The following FSTL4 variants were observed in gnomAD, a reference collection of about 807,000 sequenced individuals.
FSTL4 encodes follistatin-related protein 4.
In FSTL4, 28 loss-of-function variants were observed where a neutral mutation model predicts 78.2. That is an observed-to-expected ratio of 0.36 (90% CI 0.27 to 0.49). The LOEUF is 0.49. FSTL4 is among the 20% of genes least tolerant of loss of function. The pLI, the probability that FSTL4 is intolerant of heterozygous loss-of-function variation, is 0.98. For missense variants in FSTL4, 922 were observed against 1,084.9 expected (o/e 0.85, Z 2.11); for synonymous variants, 422 against 440.5 (o/e 0.96, Z 0.53).
At position 133,496,106 on chromosome 5, in the gene FSTL4, T is replaced by G. The variant is rs1758362769; in HGVS notation, c.160+71080A>C. Among the ~76,000 whole-genome samples, 4 of 152,296 alleles carry G rather than the reference T, an allele frequency of 2.6e-5. No individual in the cohort carries two copies. The South Asian group carries it at 8.3e-4, about 32-fold the overall frequency. On this transcript the variant is annotated intron_variant, in intron 3 of 15. Coordinates refer to ENST00000265342, the MANE Select transcript of FSTL4 (RefSeq NM_015082.2). ...CAGCACATAACCTGAGATTCCATCCTCCGATCGTTCACTTCTGACTATGCC... is the reference window on the plus strand; with the variant it reads ...CAGCACATAACCTGAGATTCCATCCGCCGATCGTTCACTTCTGACTATGCC...
Position 133,446,276 on chromosome 5 carries a change from C to T in FSTL4, c.161-45290G>A, listed in dbSNP as rs559328932. ...CCAACATGGCGAAACCCTGTCTCTA[C>T]TAAAAACACAAAAATTAGCCGGGCG... On this transcript the variant is annotated intron_variant, in intron 3 of 15. Transcript: ENST00000265342. Among the ~76,000 whole-genome samples the T allele has an allele frequency of 2.6e-4, 39 of 152,294 alleles. 1 individual carries two copies. In the South Asian group the frequency reaches 7.7e-3, roughly 30 times the overall value.
chr5:133,682,090 C>T, the FSTL4 span, among the ~76,000 whole-genome samples: 1 of 152,194 alleles, frequency 6.6e-6, no homozygotes. Flanking sequence ...CCCAGTGTGG[C>T]ACCCACCCTC....
intron 11 of FSTL4, among the ~76,000 whole-genome samples, chr5:133,221,178 C>G (rs1468527235): frequency 6.6e-6 from 1 of 152,214 alleles, no homozygotes; most frequent in Non-Finnish European, 1.5e-5. Flanking sequence ...CTTTCCTGTT[C>G]TGAAAGGGAA....
intron 6 of FSTL4, among the ~76,000 whole-genome samples, chr5:133,261,393 A>C (rs964324055): frequency 1.1e-4 from 17 of 152,120 alleles, no homozygotes; most frequent in African/African-American, 3.9e-4. Context: ...AAATCCTAAG[A>C]CATCCCCCAA....
At chr5:133,688,613 C>A in the FSTL4 span, among the ~76,000 whole-genome samples, 1 of 152,222 alleles carries the variant, frequency 6.6e-6, no homozygotes, top group African/African-American at 2.4e-5. Context: ...GAGGACAGAA[C>A]AGAGATTCTG....
At chr5:133,398,108 C>G (rs374089808) in intron 4 of FSTL4, among the ~76,000 whole-genome samples, 9 of 152,120 alleles carry the variant, frequency 5.9e-5, no homozygotes, top group Admixed American at 1.3e-4. Context: ...TCTACTCCCC[C>G]CTGGAGCCAT....
chr5:133,552,995 G>C (rs935865453), intron 3 of FSTL4, among the ~76,000 whole-genome samples: 1 of 152,202 alleles, frequency 6.6e-6, no homozygotes, highest in East Asian at 1.9e-4. Context: ...CAGGGCAAGC[G>C]ACCTCTGGGT....
the FSTL4 span, among the ~76,000 whole-genome samples, chr5:133,798,519 T>TA: frequency 0.27 from 39,621 of 145,174 alleles, 5,378 homozygotes; most frequent in African/African-American, 0.31. Flanking sequence ...AAAAAAAACT[T>TA]AAAAAAAAAA....
At chr5:133,412,043 T>A (rs1016789978) in intron 3 of FSTL4, among the ~76,000 whole-genome samples, 3 of 152,172 alleles carry the variant, frequency 2.0e-5, no homozygotes, top group African/African-American at 4.8e-5. Context: ...TAAAACCCTA[T>A]TGAAGGTCAT....
intron 6 of FSTL4, among the ~76,000 whole-genome samples, chr5:133,265,600 G>A (rs1330079314): frequency 6.6e-6 from 1 of 152,176 alleles, no homozygotes; most frequent in Non-Finnish European, 1.5e-5. Flanking sequence ...GAAACTAAAC[G>A]TTTGAAAAAG....
intron 4 of FSTL4, among the ~76,000 whole-genome samples, chr5:133,329,463 T>G (rs894129282): frequency 4.6e-5 from 7 of 152,064 alleles, no homozygotes; most frequent in African/African-American, 1.7e-4. Flanking sequence ...TGTTTGCAGC[T>G]CTCACAAGGT....
Position 133,198,964 on chromosome 5 carries a change from A to C in FSTL4, c.*131T>G, listed in dbSNP as rs1441933762. On this transcript the variant is annotated 3_prime_UTR_variant, in exon 16 of 16. Transcript: ENST00000265342. ...ACCTTATACTAGGAAACTTGCAAGG[A>C]GACCAGTGTTGAACCACAAAGCGAG... The C allele has an allele frequency of 1.8e-6, 1 of 560,422 alleles. No individual in the cohort carries two copies. The highest frequency in any genetic ancestry group is 3.1e-6 in the Non-Finnish European group (1 of 320,540). The allele number at this position is 560,422 out of a possible 1,614,324, so 34.7% of individuals were successfully genotyped here. A position where few individuals can be genotyped will look rare whatever the true frequency, so the allele number is the denominator to read the frequency against.
At chr5:133,738,487 C>G in the FSTL4 span, among the ~76,000 whole-genome samples, 1 of 152,186 alleles carries the variant, frequency 6.6e-6, no homozygotes, top group Non-Finnish European at 1.5e-5. Flanking sequence ...CATGAATGAG[C>G]CTGTGTACTT....
intron 4 of FSTL4, among the ~76,000 whole-genome samples, chr5:133,327,931 A>G (rs894332048): frequency 3.3e-5 from 5 of 152,210 alleles, no homozygotes; most frequent in African/African-American, 1.2e-4. Flanking sequence ...TCCTCCCAGG[A>G]TTCAAAGAGG....
At chr5:133,731,187 G>A in the FSTL4 span, among the ~76,000 whole-genome samples, 107 of 152,260 alleles carry the variant, frequency 7.0e-4, no homozygotes, top group African/African-American at 2.4e-3. Flanking sequence ...CTCTCGGGGA[G>A]GTTGTGATCA....
intron 4 of FSTL4, among the ~76,000 whole-genome samples, chr5:133,371,379 T>C (rs780978027): frequency 3.3e-5 from 5 of 152,144 alleles, no homozygotes; most frequent in Non-Finnish European, 7.4e-5. Flanking sequence ...CCCATGTAGG[T>C]CTCGTGAAAT....
At chr5:133,505,565 A>C (rs1052034688) in intron 3 of FSTL4, among the ~76,000 whole-genome samples, 1 of 152,246 alleles carries the variant, frequency 6.6e-6, no homozygotes, top group African/African-American at 2.4e-5. Context: ...TTCTTAATCA[A>C]AGCCCAGGAG....
chr5:133,380,792 C>A (rs971982052), intron 4 of FSTL4, among the ~76,000 whole-genome samples: 2 of 148,868 alleles, frequency 1.3e-5, no homozygotes, highest in Non-Finnish European at 3.0e-5. Context: ...CAAACCATAT[C>A]CAGCAATATA....
the FSTL4 span, among the ~76,000 whole-genome samples, chr5:133,773,010 CTAT>C: frequency 9.1e-4 from 138 of 151,622 alleles, no homozygotes; most frequent in African/African-American, 2.9e-3. Flanking sequence ...TAAATGTTAA[CTAT>C]TATTATTATT....
Sources: allele counts gnomAD v4.1 joint callset (sites outside exome capture counted in the v4.1 genomes callset), GRCh38; gene constraint gnomAD v4.1.1; transcripts MANE v1.5; gene names NCBI Gene and HGNC (gene_info 2026-07-23, HGNC 2026-07-21).